The following MCCC2 variants were observed in gnomAD, a reference collection of about 807,000 sequenced individuals.
The protein encoded by MCCC2 is methylcrotonoyl-CoA carboxylase beta chain, mitochondrial.
A neutral mutation model predicts 77.2 loss-of-function variants in MCCC2; 52 were observed. That is an observed-to-expected ratio of 0.67 (90% CI 0.54 to 0.85). The LOEUF (loss-of-function observed/expected upper bound fraction) is 0.85. Ranked by LOEUF, MCCC2 falls within the 40% of genes least tolerant of loss-of-function variation. The pLI is 0.00. For synonymous variants in MCCC2, 253 were observed against 248.4 expected (o/e 1.02, Z -0.18); for missense variants, 682 against 703.2 (o/e 0.97, Z 0.34).
chr5:71,617,680 T>C (rs960741134), intron 6 of MCCC2, among the ~76,000 whole-genome samples: 2 of 152,208 alleles, frequency 1.3e-5, no homozygotes, highest in African/African-American at 4.8e-5. Flanking sequence ...TAACTTCAAT[T>C]ATGTTATGTA....
chr5:71,620,906 C>A (rs947051217), intron 6 of MCCC2, among the ~76,000 whole-genome samples: 2 of 152,152 alleles, frequency 1.3e-5, no homozygotes, highest in African/African-American at 4.8e-5. Flanking sequence ...AGGCCCATCT[C>A]ACTGGTGACT....
intron 6 of MCCC2, 131 bp downstream of exon 6, chr5:71,604,599 A>G (rs1315510503): frequency 2.8e-6 from 2 of 703,164 alleles, no homozygotes; most frequent in Non-Finnish European, 4.8e-6. Context: ...TTTTTTTTAT[A>G]CTTTAGGTTT....
At chr5:71,625,899 A>G (rs1185051266) in intron 6 of MCCC2, among the ~76,000 whole-genome samples, 2 of 152,240 alleles carry the variant, frequency 1.3e-5, no homozygotes, top group African/African-American at 4.8e-5. Context: ...TTCATATGAT[A>G]ATTTAAAAAA....
chr5:71,658,365 T>C lies in MCCC2; in HGVS notation c.*1505T>C, dbSNP rs1008183369. ...TGCTTCTCTCAGTTTAAACTCCACT[T>C]CCTTAGGGATGTCTCTGTGACCTCC... is the stretch of plus-strand genomic sequence containing the variant. On this transcript the variant is annotated 3_prime_UTR_variant, in exon 17 of 17. Coordinates refer to ENST00000340941, the MANE Select transcript of MCCC2 (RefSeq NM_022132.5). The C allele has an allele frequency of 3.9e-5, 6 of 152,192 alleles. No individual in the cohort carries two copies. Among genetic ancestry groups the C allele is most frequent in the Admixed American group, 3.9e-4 (6 of 15,280 alleles). 9.4% of individuals were successfully genotyped at this position (152,192 alleles called of 1,614,324 possible).
chr5:71,657,589 G>A lies in MCCC2; in HGVS notation c.*729G>A, dbSNP rs1747619137. On this transcript the variant is annotated 3_prime_UTR_variant, in exon 17 of 17. Transcript: ENST00000340941. ...CTATAGGCACGCACCACCACACCCA[G>A]CTAAGTTCTGTATTTTTAGCAGAGA... The A allele has an allele frequency of 1.3e-5, 2 of 151,962 alleles. No individual in the cohort carries two copies. The highest frequency in any genetic ancestry group is 4.8e-5 in the African/African-American group (2 of 41,328). 9.4% of individuals were successfully genotyped at this position (151,962 alleles called of 1,614,324 possible).
Position 71,643,816 on chromosome 5 carries a change from G to A in MCCC2, c.1073-3G>A. The stretch of plus-strand genomic sequence containing the variant: ...ATAAATCTTCTTTGAACTTTCTTTT[G>A]AGGATTTGCTCGAATATTTGGGTAC... On this transcript the variant is annotated splice_region_variant and splice_polypyrimidine_tract_variant and intron_variant, in intron 11 of 16. Transcript: ENST00000340941. The A allele has an allele frequency of 6.2e-7, 1 of 1,614,086 alleles. No individual in the cohort carries two copies. The highest frequency in any genetic ancestry group is 1.6e-4 in the Middle Eastern group (1 of 6,062).
At chr5:71,633,131 A>ATATATATATTTTTTTTTTTT (rs1554137344) in intron 8 of MCCC2, among the ~76,000 whole-genome samples, 1 of 78,086 alleles carries the variant, frequency 1.3e-5, no homozygotes, top group Non-Finnish European at 2.4e-5. Context: ...ATATATATAT[A>ATATATATATTTTTTTTTTTT]TTTTTATTTT....
chr5:71,639,261 C>G (rs1747038796), intron 10 of MCCC2, among the ~76,000 whole-genome samples: 1 of 152,116 alleles, frequency 6.6e-6, no homozygotes, highest in African/African-American at 2.4e-5. Flanking sequence ...AAGGCTGTTT[C>G]ATCTACACTG....
rs796290818 is a variant in MCCC2, at chr5:71,632,559, G to A, written c.803+374G>A. 3.2e-4 allele frequency among the ~76,000 whole-genome samples: 48 copies of A among 152,302 alleles called. 1 individual carries two copies. Among genetic ancestry groups the A allele is most frequent in the African/African-American group, 1.1e-3 (47 of 41,576 alleles). On this transcript the variant is annotated intron_variant, in intron 8 of 16. Coordinates refer to ENST00000340941, the MANE Select transcript of MCCC2 (RefSeq NM_022132.5). ...AGTAATTGCACAAAATTATGTAAATGTGGCTGATACGCGATAAGGCTTACA... is the reference window on the plus strand; with the variant it reads ...AGTAATTGCACAAAATTATGTAAATATGGCTGATACGCGATAAGGCTTACA...
intron 7 of MCCC2, among the ~76,000 whole-genome samples, chr5:71,628,216 C>G (rs1746599354): frequency 6.6e-6 from 1 of 152,224 alleles, no homozygotes; most frequent in Non-Finnish European, 1.5e-5. Flanking sequence ...GATTCTTTCT[C>G]ATTTTTAAAT....
chr5:71,602,438 G>A, intron 4 of MCCC2, 68 bp from the exon 5 acceptor site: 2 of 1,601,304 alleles, frequency 1.2e-6, no homozygotes, highest in Non-Finnish European at 1.7e-6. Flanking sequence ...GGGGTATCTT[G>A]TAATGAGTGT....
chr5:71,633,231 TGG>T (rs1176296669), intron 8 of MCCC2, among the ~76,000 whole-genome samples: 1 of 151,030 alleles, frequency 6.6e-6, no homozygotes, highest in Non-Finnish European at 1.5e-5. Context: ...TCCGAAGTGC[TGG>T]GATTACAGGA....
Sources: gnomAD v4.1 joint callset for allele counts (sites outside exome capture counted in the v4.1 genomes callset) on GRCh38, gnomAD v4.1.1 for gene constraint, MANE v1.5 for transcripts, NCBI Gene and HGNC (gene_info 2026-07-23, HGNC 2026-07-21) for gene names.